ZFHX3: variants seen among roughly 807,000 people sequenced by gnomAD.
ZFHX3 encodes the protein zinc finger homeobox protein 3.
A neutral mutation model predicts 279.1 loss-of-function variants in ZFHX3; 42 were observed. The ratio of observed to expected loss-of-function variants is 0.15; its 90% CI spans 0.12 to 0.19. The LOEUF is 0.19. ZFHX3 is among the 10% of genes least tolerant of loss of function. ZFHX3 has a pLI of 1.00. For synonymous variants in ZFHX3, 2,293 were observed against 1,957.8 expected (o/e 1.17, Z -4.52); for missense variants, 4,981 against 4,754.0 (o/e 1.05, Z -1.40).
intron 1 of ZFHX3, among the ~76,000 whole-genome samples, chr16:73,795,380 A>G (rs145603509): frequency 1.9e-3 from 291 of 152,296 alleles, no homozygotes; most frequent in Middle Eastern, 3.4e-3. Context: ...CACCATGTTC[A>G]GGGCCAAGAC....
intron 1 of ZFHX3, among the ~76,000 whole-genome samples, chr16:73,680,970 G>A (rs1193339641): frequency 1.3e-5 from 2 of 152,100 alleles, no homozygotes; most frequent in African/African-American, 2.4e-5. Context: ...TGCCAAGGAA[G>A]AAATTAAAAG....
At chr16:73,588,919 A>G (rs1042403700) in intron 2 of ZFHX3, among the ~76,000 whole-genome samples, 2 of 151,984 alleles carry the variant, frequency 1.3e-5, no homozygotes, top group Non-Finnish European at 2.9e-5. Flanking sequence ...GGAGAAACAT[A>G]TAGAACACAA....
rs780736697 is a variant in ZFHX3, at chr16:72,796,604, G to A, written c.6078C>T (p.Tyr2026=). 35 of 1,613,908 alleles carry A rather than the reference G, an allele frequency of 2.2e-5. No homozygotes were observed. The highest frequency in any genetic ancestry group is 1.6e-4 in the Middle Eastern group (1 of 6,072). The part of the protein sequence containing the change: ...ERFAKQYRDH[Y]DKLYPLRPQT... ...GGGGCCTCAGTGGGTACAGTTTATCGTAGTGGTCTCTGTACTGTTTGGCAA... is the reference window on the plus strand; with the variant it reads ...GGGGCCTCAGTGGGTACAGTTTATCATAGTGGTCTCTGTACTGTTTGGCAA... Residue 2026 remains tyrosine (Y), a synonymous_variant, in exon 9 of 10, where the codon TAC becomes TAT. Transcript: ENST00000268489.
chr16:73,667,947 T>C lies in ZFHX3; in HGVS notation c.-1547+12233A>G, dbSNP rs75827875. On this transcript the variant is annotated intron_variant, in intron 2 of 17. Coordinates refer to the ZFHX3 transcript ENST00000641206. ...CTTGAGCATTCTGGCCAATTAGCAA[T>C]TTCTTTGAATTCCTACAGCACTTAC... Among the ~76,000 whole-genome samples the C allele has an allele frequency of 7.9e-4, 120 of 152,334 alleles. No individual in the cohort carries two copies. The East Asian group carries it at 0.022, about 28-fold the overall frequency.
At chr16:73,714,107 C>T (rs1361280300) in intron 1 of ZFHX3, among the ~76,000 whole-genome samples, 2 of 152,056 alleles carry the variant, frequency 1.3e-5, no homozygotes, top group Middle Eastern at 3.2e-3. Context: ...TGATTCCTCC[C>T]TAGGATGCTC....
chr16:73,843,872 G>A (rs1349712975), intron 1 of ZFHX3, among the ~76,000 whole-genome samples: 2 of 152,226 alleles, frequency 1.3e-5, no homozygotes, highest in Admixed American at 1.3e-4. Context: ...AAGGGGCGTG[G>A]CTGTGTTTCA....
intron 3 of ZFHX3, among the ~76,000 whole-genome samples, chr16:72,907,659 C>T (rs2039216747): frequency 6.8e-6 from 1 of 146,694 alleles, no homozygotes; most frequent in Admixed American, 6.9e-5. Context: ...GTGTACAAGT[C>T]CATGCTAGAT....
intron 2 of ZFHX3, among the ~76,000 whole-genome samples, chr16:73,461,870 A>G (rs1425260145): frequency 2.6e-5 from 4 of 152,100 alleles, no homozygotes; most frequent in African/African-American, 4.8e-5. Flanking sequence ...CTGTCCTTCC[A>G]TAAGTATTTT....
chr16:73,759,661 C>T (rs2053843476), intron 1 of ZFHX3, among the ~76,000 whole-genome samples: 1 of 152,080 alleles, frequency 6.6e-6, no homozygotes, highest in Non-Finnish European at 1.5e-5. Flanking sequence ...AAATTCCTTC[C>T]CCTGAGGCTT....
chr16:73,375,350 T>C (rs1289586696), intron 3 of ZFHX3, among the ~76,000 whole-genome samples: 1 of 152,206 alleles, frequency 6.6e-6, no homozygotes, highest in East Asian at 1.9e-4. Flanking sequence ...TGGCCTCATC[T>C]TGTATGTTTC....
intron 4 of ZFHX3, among the ~76,000 whole-genome samples, chr16:73,293,571 CT>C (rs1016152726): frequency 5.3e-5 from 8 of 152,268 alleles, no homozygotes; most frequent in African/African-American, 1.9e-4. Flanking sequence ...CCCCATGGAT[CT>C]GGGAATGAGG....
At chr16:72,870,553 C>G (rs886190251) in intron 4 of ZFHX3, among the ~76,000 whole-genome samples, 8 of 151,554 alleles carry the variant, frequency 5.3e-5, no homozygotes, top group Admixed American at 2.0e-4. Flanking sequence ...ACTAAAAATA[C>G]AAAAAATTAG....
intron 2 of ZFHX3, among the ~76,000 whole-genome samples, chr16:73,473,587 G>A (rs941540475): frequency 6.6e-6 from 1 of 152,126 alleles, no homozygotes; most frequent in Non-Finnish European, 1.5e-5. Flanking sequence ...GCCACCCACT[G>A]ACTTATTCCG....
intron 8 of ZFHX3, among the ~76,000 whole-genome samples, chr16:72,798,927 C>T (rs1007951606): frequency 1.3e-5 from 2 of 152,142 alleles, no homozygotes; most frequent in African/African-American, 4.8e-5. Flanking sequence ...TGCACATGAA[C>T]AGAGATGGAT....
chr16:73,848,134 A>C (rs72805036), intron 1 of ZFHX3, among the ~76,000 whole-genome samples: 7 of 152,062 alleles, frequency 4.6e-5, no homozygotes, highest in Non-Finnish European at 7.4e-5. Flanking sequence ...GTTTACACTC[A>C]ATCTAGTCTA....
intron 7 of ZFHX3, among the ~76,000 whole-genome samples, chr16:73,122,565 T>A (rs1966513154): frequency 6.6e-6 from 1 of 152,076 alleles, no homozygotes; most frequent in Non-Finnish European, 1.5e-5. Flanking sequence ...GGTCAAGTCT[T>A]TTGGCTGTGT....
chr16:73,849,204 T>G (rs1272659021), intron 1 of ZFHX3, among the ~76,000 whole-genome samples: 1 of 152,212 alleles, frequency 6.6e-6, no homozygotes, highest in Non-Finnish European at 1.5e-5. Context: ...GGCCCCATGG[T>G]GTGTGACGTC....
chr16:72,992,169 C>A (rs1178961095), intron 1 of ZFHX3, among the ~76,000 whole-genome samples: 1 of 152,186 alleles, frequency 6.6e-6, no homozygotes, highest in African/African-American at 2.4e-5. Context: ...CCATCTCCCT[C>A]CTTGCTAGAG....
At chr16:72,974,784 C>T (rs765021300) in intron 1 of ZFHX3, among the ~76,000 whole-genome samples, 6 of 152,194 alleles carry the variant, frequency 3.9e-5, no homozygotes, top group African/African-American at 7.2e-5. Context: ...AAATCGTACA[C>T]GGGGTCTTCC....
Sources: allele counts gnomAD v4.1 joint callset (sites outside exome capture counted in the v4.1 genomes callset), GRCh38; gene constraint gnomAD v4.1.1; transcripts MANE v1.5; gene names NCBI Gene and HGNC (gene_info 2026-07-23, HGNC 2026-07-21).